GLMN: variants seen among roughly 807,000 people sequenced by gnomAD.
The protein encoded by GLMN is glomulin.
In GLMN, 75 loss-of-function variants were observed where a neutral mutation model predicts 87.8. The ratio of observed to expected loss-of-function variants is 0.85; its 90% CI spans 0.71 to 1.04. GLMN has a LOEUF of 1.04. Among genes scored for constraint, GLMN ranks in the 50% least tolerant of loss-of-function variants. The pLI, the probability that GLMN is intolerant of heterozygous loss-of-function variation, is 0.00. For synonymous variants in GLMN, 206 were observed against 221.6 expected, an observed-to-expected ratio of 0.93 and a Z score of 0.63; for missense variants, 588 against 658.8, an observed-to-expected ratio of 0.89 and a Z score of 1.18.
At chr1:92,296,902 A>G (rs1285793770) in intron 3 of GLMN, among the ~76,000 whole-genome samples, 1 of 152,212 alleles carries the variant, frequency 6.6e-6, no homozygotes, top group Non-Finnish European at 1.5e-5. Context: ...CCCAAAATGA[A>G]TATTTAGCCT....
At chr1:92,349,234 A>C in the GLMN span, among the ~76,000 whole-genome samples, 1 of 152,234 alleles carries the variant, frequency 6.6e-6, no homozygotes, top group African/African-American at 2.4e-5. Context: ...TAGGCAAAAG[A>C]TTCTAAATGG....
intron 7 of GLMN, 86 bp from the exon 8 acceptor site, chr1:92,271,738 A>G: frequency 1.1e-6 from 1 of 904,850 alleles, no homozygotes; most frequent in Non-Finnish European, 1.8e-6. Flanking sequence ...CATTCTCACC[A>G]AGGGGAGGTG....
At chr1:92,347,172 A>G in the GLMN span, among the ~76,000 whole-genome samples, 1 of 152,246 alleles carries the variant, frequency 6.6e-6, no homozygotes, top group Non-Finnish European at 1.5e-5. Context: ...ATGCCCTGAT[A>G]TAAATTTTTT....
the GLMN span, among the ~76,000 whole-genome samples, chr1:92,354,615 G>T: frequency 6.6e-6 from 1 of 152,096 alleles, no homozygotes; most frequent in East Asian, 1.9e-4. Context: ...AACATTAACA[G>T]GACATAAACC....
At chr1:92,274,111 A>C (rs1368401017) in intron 7 of GLMN, among the ~76,000 whole-genome samples, 3 of 152,140 alleles carry the variant, frequency 2.0e-5, no homozygotes, top group Non-Finnish European at 4.4e-5. Flanking sequence ...TTCATCTCCA[A>C]GCTGGTCTCA....
upstream of GLMN, chr1:92,299,264 G>A: frequency 1.9e-6 from 1 of 525,178 alleles, no homozygotes; most frequent in Admixed American, 4.0e-5. Flanking sequence ...GGTTCTCCCA[G>A]GTAGAGTAGG....
the GLMN span, among the ~76,000 whole-genome samples, chr1:92,334,747 G>A: frequency 6.6e-6 from 1 of 152,074 alleles, no homozygotes; most frequent in Non-Finnish European, 1.5e-5. Context: ...AGCACTTTGG[G>A]AGTCTGAGGC....
chr1:92,263,684 G>C lies in GLMN; in HGVS notation c.1348C>G (p.Leu450Val). ...WFTGPQLISL[L>V]DLVLFLPEGA... ...TCTGGGAGAAAAAGTACCAAATCAA[G>C]AAGGGAAATCAACTGTGGTCCTGTA... is the stretch of plus-strand genomic sequence containing the variant. The change falls in exon 15 of 19, where the codon CTT becomes GTT. Residue 450 changes from leucine (L) to valine (V), a missense_variant. Coordinates refer to ENST00000370360, the MANE Select transcript of GLMN (RefSeq NM_053274.3). 6.2e-7 allele frequency: 1 copy of C among 1,605,218 alleles called. No homozygotes were observed. Among genetic ancestry groups the C allele is most frequent in the Non-Finnish European group, 8.5e-7 (1 of 1,171,868 alleles).
chr1:92,362,576 A>G, the GLMN span, among the ~76,000 whole-genome samples: 1 of 152,212 alleles, frequency 6.6e-6, no homozygotes, highest in Admixed American at 6.5e-5. Context: ...ATCAGAATAC[A>G]CAAGGCTTAA....
At chr1:92,323,585 A>T in the GLMN span, 2 of 1,614,096 alleles carry the variant, frequency 1.2e-6, no homozygotes, top group Non-Finnish European at 1.7e-6. Flanking sequence ...AATGAGCAAG[A>T]CTTTGTTTCC....
At chr1:92,336,772 GT>G in the GLMN span, among the ~76,000 whole-genome samples, 1 of 152,074 alleles carries the variant, frequency 6.6e-6, no homozygotes, top group African/African-American at 2.4e-5. Flanking sequence ...GGCACTATGG[GT>G]AATGTAAAAG....
intron 3 of GLMN, among the ~76,000 whole-genome samples, chr1:92,295,082 T>C (rs1027921478): frequency 6.6e-6 from 1 of 152,258 alleles, no homozygotes; most frequent in African/African-American, 2.4e-5. Context: ...AAGCCTCACA[T>C]GTTTAAATCT....
Position 92,246,526 on chromosome 1 carries a change from A to C in GLMN, c.*4T>G. ...TATTAGTTTTTATTTAGGAAATGGA[A>C]CTTTCACTTTATCCCAATATTTTCT... On this transcript the variant is annotated 3_prime_UTR_variant, in exon 19 of 19. Transcript: ENST00000370360. 8.7e-7 allele frequency: 1 copy of C among 1,145,456 alleles called. No individual in the cohort carries two copies. Among genetic ancestry groups the C allele is most frequent in the Non-Finnish European group, 1.3e-6 (1 of 752,696 alleles). The allele number at this position is 1,145,456 out of a possible 1,614,324, so 71.0% of individuals were successfully genotyped here.
chr1:92,296,458 G>C (rs1297153532), intron 3 of GLMN, among the ~76,000 whole-genome samples: 4 of 152,170 alleles, frequency 2.6e-5, no homozygotes, highest in Admixed American at 6.5e-5. Flanking sequence ...GGAAATGCCA[G>C]ATGGTTATAA....
chr1:92,295,937 C>T (rs183498209), intron 3 of GLMN, among the ~76,000 whole-genome samples: 10 of 151,914 alleles, frequency 6.6e-5, no homozygotes, highest in Admixed American at 3.3e-4. Flanking sequence ...ATCCTGAGAA[C>T]GCAATTAGAA....
upstream of GLMN, chr1:92,300,323 C>A: frequency 1.2e-6 from 1 of 831,678 alleles, no homozygotes; most frequent in Non-Finnish European, 1.8e-6. Flanking sequence ...TAATGGTTAC[C>A]TTTTTTTTTT....
At chr1:92,268,568 A>G (rs138537804) in intron 9 of GLMN, among the ~76,000 whole-genome samples, 2 of 152,386 alleles carry the variant, frequency 1.3e-5, no homozygotes, top group Admixed American at 1.3e-4. Flanking sequence ...TTATCACTGT[A>G]TGAATAACAG....
Position 92,266,721 on chromosome 1 carries a change from T to C in GLMN, c.1119A>G (p.Thr373=), listed in dbSNP as rs1458968877. ...TVPQGLVKVM[T]LCPIETLRKK... Reference sequence around the variant, plus strand: ...ATACCAGTGTCTCAATGGGGCAAAGTGTCATTACTTTCACTAAGCCCTGGA... The same window carrying C: ...ATACCAGTGTCTCAATGGGGCAAAGCGTCATTACTTTCACTAAGCCCTGGA... Residue 373 remains threonine (T), a synonymous_variant, in exon 12 of 19, where the codon ACA becomes ACG. Transcript: ENST00000370360. The C allele has an allele frequency of 1.9e-6, 3 of 1,602,762 alleles. No homozygotes were observed. Among genetic ancestry groups the C allele is most frequent in the Non-Finnish European group, 1.7e-6 (2 of 1,170,628 alleles).
At chr1:92,280,633 AG>A (rs1647915716) in intron 7 of GLMN, among the ~76,000 whole-genome samples, 1 of 152,242 alleles carries the variant, frequency 6.6e-6, no homozygotes, top group African/African-American at 2.4e-5. Context: ...AGTTGACAGA[AG>A]TAGGCTTCGG....
Sources: gnomAD v4.1 joint callset for allele counts (sites outside exome capture counted in the v4.1 genomes callset) on GRCh38, gnomAD v4.1.1 for gene constraint, MANE v1.5 for transcripts, NCBI Gene and HGNC (gene_info 2026-07-23, HGNC 2026-07-21) for gene names.